Variants in LGSN observed in about 807,000 individuals in gnomAD.
LGSN encodes the protein lengsin.
A neutral mutation model predicts 19.5 loss-of-function variants in LGSN; 21 were observed. The ratio of observed to expected loss-of-function variants is 1.07; its 90% confidence interval spans 0.76 to 1.55. The LOEUF (loss-of-function observed/expected upper bound fraction) is 1.55. Among genes scored for constraint, LGSN ranks in the 40% most tolerant of loss-of-function variants. LGSN has a pLI of 0.00. For synonymous variants in LGSN, 257 were observed against 215.6 expected, an observed-to-expected ratio of 1.19 and a Z score of -1.68; for missense variants, 673 against 608.5, an observed-to-expected ratio of 1.11 and a Z score of -1.12.
the LGSN span, chr6:63,548,675 AT>A: frequency 2.1e-6 from 1 of 469,706 alleles, no homozygotes; most frequent in Non-Finnish European, 3.8e-6. Context: ...TATTTTAATT[AT>A]TTTTATGTAC....
chr6:63,376,745 T>C, the LGSN span, among the ~76,000 whole-genome samples: 2,305 of 152,368 alleles, frequency 0.015, 67 homozygotes, highest in African/African-American at 0.053. Flanking sequence ...TTTATTTGAC[T>C]TTTTAAAACT....
the LGSN span, among the ~76,000 whole-genome samples, chr6:63,539,388 CCAACCT>C: frequency 1.3e-4 from 20 of 152,294 alleles, no homozygotes; most frequent in African/African-American, 4.8e-4. Flanking sequence ...CATCCCACTT[CCAACCT>C]CAACCATAGG....
At chr6:63,463,282 A>C in the LGSN span, among the ~76,000 whole-genome samples, 2 of 152,228 alleles carry the variant, frequency 1.3e-5, no homozygotes, top group East Asian at 3.8e-4. Context: ...AGAACTATCT[A>C]AGTATATGCT....
chr6:63,328,094 G>C, the LGSN span, among the ~76,000 whole-genome samples: 1 of 152,148 alleles, frequency 6.6e-6, no homozygotes, highest in East Asian at 1.9e-4. Context: ...CAGTTCTAAG[G>C]CTCGGGTAAG....
chr6:63,447,343 G>A, the LGSN span, among the ~76,000 whole-genome samples: 3 of 152,180 alleles, frequency 2.0e-5, no homozygotes, highest in South Asian at 6.2e-4. Context: ...ACAGCTGCAT[G>A]TTTAGGTTGG....
At chr6:63,434,439 CAA>C in the LGSN span, among the ~76,000 whole-genome samples, 284 of 105,956 alleles carry the variant, frequency 2.7e-3, 2 homozygotes, top group Middle Eastern at 0.01. Flanking sequence ...GACTCCATCT[CAA>C]AAAAAAAAAA....
the LGSN span, among the ~76,000 whole-genome samples, chr6:63,570,476 A>G: frequency 2.0e-5 from 3 of 152,206 alleles, no homozygotes; most frequent in Non-Finnish European, 4.4e-5. Context: ...AGAATTTGAG[A>G]GCTTTTAGAA....
chr6:63,400,766 G>T, the LGSN span, among the ~76,000 whole-genome samples: 3 of 152,200 alleles, frequency 2.0e-5, no homozygotes, highest in Non-Finnish European at 4.4e-5. Context: ...GACTGAAGCG[G>T]GTGGATCACC....
the LGSN span, among the ~76,000 whole-genome samples, chr6:63,390,877 AG>A: frequency 0.047 from 6,618 of 140,002 alleles, 293 homozygotes; most frequent in African/African-American, 0.13. Context: ...AAAAAAAAAA[AG>A]AAAAGAAAAT....
the LGSN span, among the ~76,000 whole-genome samples, chr6:63,553,758 TAGG>T: frequency 4.6e-5 from 7 of 152,124 alleles, no homozygotes; most frequent in Admixed American, 2.6e-4. Context: ...TGAAGGATTG[TAGG>T]AGAAGAGAAA....
chr6:63,495,046 TATA>T, the LGSN span, among the ~76,000 whole-genome samples: 1 of 152,176 alleles, frequency 6.6e-6, no homozygotes, highest in East Asian at 1.9e-4. Context: ...TATTAACCTA[TATA>T]ATAACACATT....
chr6:63,429,536 G>C, the LGSN span, among the ~76,000 whole-genome samples: 1 of 152,106 alleles, frequency 6.6e-6, no homozygotes, highest in Admixed American at 6.5e-5. Flanking sequence ...AGGAGTTCGA[G>C]ACGAGCCTGG....
rs112223335 is a variant in LGSN, at chr6:63,292,334, T to C, written c.163+2579A>G. On this transcript the variant is annotated intron_variant, in intron 2 of 3. Coordinates refer to ENST00000370657, the MANE Select transcript of LGSN (RefSeq NM_016571.3). ...AAGTTTGTGTTTACTTTCCAGGCTC[T>C]AGCTCTTCCTTAGGCCCTGTGTGTA... 6.1e-3 allele frequency among the ~76,000 whole-genome samples: 928 copies of C among 152,344 alleles called. 7 individuals are homozygous for C. The highest frequency in any genetic ancestry group is 0.021 in the African/African-American group (853 of 41,586).
At chr6:63,511,219 G>C in the LGSN span, among the ~76,000 whole-genome samples, 4 of 151,260 alleles carry the variant, frequency 2.6e-5, no homozygotes, top group African/African-American at 9.7e-5. Context: ...CCTACTCTAG[G>C]TCAAGCTTAT....
chr6:63,326,403 C>G, the LGSN span, among the ~76,000 whole-genome samples: 1 of 152,248 alleles, frequency 6.6e-6, no homozygotes, highest in Admixed American at 6.5e-5. Flanking sequence ...GGATTCTGCA[C>G]CAGGGCTGCA....
At chr6:63,559,424 C>A in the LGSN span, among the ~76,000 whole-genome samples, 1 of 151,962 alleles carries the variant, frequency 6.6e-6, no homozygotes, top group Non-Finnish European at 1.5e-5. Context: ...ATGGCTTAAA[C>A]GCAGCAAAAA....
rs375279433 is a variant in LGSN, at chr6:63,305,143, G to GT, written c.31-10099dup. Among the ~76,000 whole-genome samples the GT allele has an allele frequency of 6.9e-3, 1,039 of 151,578 alleles. 7 individuals are homozygous for GT. The highest frequency in any genetic ancestry group is 0.023 in the African/African-American group (941 of 41,322). On this transcript the variant is annotated intron_variant, in intron 1 of 3. Coordinates refer to ENST00000370657, the MANE Select transcript of LGSN (RefSeq NM_016571.3). ...AGAAGATAGATTCCAAAACAGTACAGTTTTTTTTTCTTCTGAAAACAGGAG... is the reference window on the plus strand; with the variant it reads ...AGAAGATAGATTCCAAAACAGTACAGTTTTTTTTTTCTTCTGAAAACAGGAG...
the LGSN span, among the ~76,000 whole-genome samples, chr6:63,337,268 G>A: frequency 3.9e-4 from 60 of 151,920 alleles, no homozygotes; most frequent in East Asian, 0.01. Context: ...CAAAAAGCCA[G>A]CCTGGCCAAC....
the LGSN span, among the ~76,000 whole-genome samples, chr6:63,570,293 T>C: frequency 6.6e-6 from 1 of 152,244 alleles, no homozygotes; most frequent in Non-Finnish European, 1.5e-5. Context: ...ATTGCACCAC[T>C]GTGCTCCAAC....
Sources: allele counts gnomAD v4.1 joint callset (sites outside exome capture counted in the v4.1 genomes callset), GRCh38; gene constraint gnomAD v4.1.1; transcripts MANE v1.5; gene names NCBI Gene and HGNC (gene_info 2026-07-23, HGNC 2026-07-21).